BMAL1: variants seen among roughly 807,000 people sequenced by gnomAD.
BMAL1 encodes the protein basic helix-loop-helix ARNT like 1.
the BMAL1 span, among the ~76,000 whole-genome samples, chr11:13,337,525 T>C: frequency 5.0e-4 from 76 of 152,220 alleles, no homozygotes; most frequent in African/African-American, 1.7e-3. Flanking sequence ...GGCATGAAAT[T>C]ACTTTGTCAA....
chr11:13,288,082 A>G, the BMAL1 span, among the ~76,000 whole-genome samples: 1 of 152,236 alleles, frequency 6.6e-6, no homozygotes, highest in African/African-American at 2.4e-5. Context: ...AGGTATTTCC[A>G]GGAAGTGGCT....
the BMAL1 span, among the ~76,000 whole-genome samples, chr11:13,303,951 A>G: frequency 6.6e-6 from 1 of 152,154 alleles, no homozygotes; most frequent in African/African-American, 2.4e-5. Flanking sequence ...GAGGAAGAGC[A>G]TTTTACACAA....
chr11:13,301,660 A>C, the BMAL1 span, among the ~76,000 whole-genome samples: 1 of 152,154 alleles, frequency 6.6e-6, no homozygotes, highest in Non-Finnish European at 1.5e-5. Context: ...AGTAGAGGAG[A>C]TGGAGATGGA....
chr11:13,383,484 T>G, the BMAL1 span, among the ~76,000 whole-genome samples: 1 of 152,178 alleles, frequency 6.6e-6, no homozygotes, highest in Non-Finnish European at 1.5e-5. Context: ...CAAACTATAC[T>G]AGTAGTCATT....
At chr11:13,370,122 T>C in the BMAL1 span, among the ~76,000 whole-genome samples, 1 of 152,242 alleles carries the variant, frequency 6.6e-6, no homozygotes, top group Non-Finnish European at 1.5e-5. Flanking sequence ...TTAAATGCGA[T>C]GAACATTTTT....
chr11:13,372,616 C>G, the BMAL1 span, among the ~76,000 whole-genome samples: 1 of 152,098 alleles, frequency 6.6e-6, no homozygotes, highest in Non-Finnish European at 1.5e-5. Flanking sequence ...TTGAGACTAG[C>G]CTGGGCAACG....
chr11:13,333,159 GT>G, the BMAL1 span, among the ~76,000 whole-genome samples: 1 of 152,022 alleles, frequency 6.6e-6, no homozygotes, highest in Admixed American at 6.6e-5. Context: ...TAGAGACGGG[GT>G]TTTGCCATGT....
At chr11:13,341,001 G>A in the BMAL1 span, among the ~76,000 whole-genome samples, 1 of 152,144 alleles carries the variant, frequency 6.6e-6, no homozygotes, top group Non-Finnish European at 1.5e-5. Context: ...TAAGTGGCAG[G>A]GCTGGGATTG....
At chr11:13,302,721 T>C in the BMAL1 span, among the ~76,000 whole-genome samples, 1 of 152,220 alleles carries the variant, frequency 6.6e-6, no homozygotes, top group African/African-American at 2.4e-5. Context: ...ATCTGGGTGG[T>C]GCTCGCTCCA....
At chr11:13,386,486 C>T in the BMAL1 span, 2 of 1,175,884 alleles carry the variant, frequency 1.7e-6, no homozygotes, top group Middle Eastern at 3.0e-4. Flanking sequence ...AGCATCTCAC[C>T]CTACCATTAA....
At chr11:13,374,663 C>T in the BMAL1 span, among the ~76,000 whole-genome samples, 1 of 152,174 alleles carries the variant, frequency 6.6e-6, no homozygotes, top group Non-Finnish European at 1.5e-5. Context: ...CTTTTTACCA[C>T]CTCTGCCATC....
chr11:13,301,040 C>T, the BMAL1 span, among the ~76,000 whole-genome samples: 1,028 of 152,274 alleles, frequency 6.8e-3, 11 homozygotes, highest in African/African-American at 0.024. Flanking sequence ...CTGATTCAAG[C>T]GATTCTCCTA....
chr11:13,333,702 A>G, the BMAL1 span, among the ~76,000 whole-genome samples: 1 of 152,240 alleles, frequency 6.6e-6, no homozygotes, highest in Non-Finnish European at 1.5e-5. Flanking sequence ...TCTCCGCACC[A>G]GGCATCCTGC....
the BMAL1 span, among the ~76,000 whole-genome samples, chr11:13,348,292 G>A: frequency 1.3e-5 from 2 of 152,212 alleles, no homozygotes; most frequent in Admixed American, 6.5e-5. Context: ...CAGATGGGAG[G>A]GTTGGGCTGA....
chr11:13,385,737 G>T, the BMAL1 span: 5 of 1,613,794 alleles, frequency 3.1e-6, no homozygotes, highest in Non-Finnish European at 4.2e-6. Context: ...CCTACTATCA[G>T]GCCAGGCTCA....
the BMAL1 span, among the ~76,000 whole-genome samples, chr11:13,309,482 C>T: frequency 6.6e-6 from 1 of 152,138 alleles, no homozygotes; most frequent in African/African-American, 2.4e-5. Flanking sequence ...AAACCATTGC[C>T]TATTAAAAGC....
chr11:13,372,566 T>C, the BMAL1 span, among the ~76,000 whole-genome samples: 1 of 152,144 alleles, frequency 6.6e-6, no homozygotes, highest in Admixed American at 6.5e-5. Flanking sequence ...TCCCAGCACT[T>C]TTTGAGGCCA....
At chr11:13,332,483 A>G in the BMAL1 span, among the ~76,000 whole-genome samples, 1 of 152,194 alleles carries the variant, frequency 6.6e-6, no homozygotes, top group Non-Finnish European at 1.5e-5. Flanking sequence ...GATGAGCTTT[A>G]GTTTGGAAAT....
the BMAL1 span, chr11:13,356,201 A>G: frequency 2.2e-6 from 1 of 451,362 alleles, no homozygotes; most frequent in Non-Finnish European, 4.4e-6. Context: ...GAAGCAGAAT[A>G]TTTGGCAGTA....
Sources: allele counts gnomAD v4.1 joint callset (sites outside exome capture counted in the v4.1 genomes callset), GRCh38; gene constraint gnomAD v4.1.1; transcripts MANE v1.5; gene names NCBI Gene and HGNC (gene_info 2026-07-23, HGNC 2026-07-21).